TMEM51: variants seen among roughly 807,000 people sequenced by gnomAD.
TMEM51 encodes the protein transmembrane protein 51, also known as chromosome 1 open reading frame 72.
In TMEM51, 8 loss-of-function variants were observed where a neutral mutation model predicts 13.6. The ratio of observed to expected loss-of-function variants is 0.59; its 90% confidence interval spans 0.35 to 1.07. TMEM51 has a LOEUF of 1.07. Among genes scored for constraint, TMEM51 ranks in the 50% least tolerant of loss-of-function variants. TMEM51 has a pLI of 0.02. For synonymous variants in TMEM51, 147 were observed against 144.4 expected (o/e 1.02, Z -0.13); for missense variants, 279 against 330.7 (o/e 0.84, Z 1.21).
At chr1:15,157,324 G>T (rs1642622473) in intron 1 of TMEM51, among the ~76,000 whole-genome samples, 1 of 152,168 alleles carries the variant, frequency 6.6e-6, no homozygotes, top group Admixed American at 6.5e-5. Flanking sequence ...GGATTTATCA[G>T]ACTTAGCAGC....
At chr1:15,166,725 A>C (rs1242302788) in intron 1 of TMEM51, among the ~76,000 whole-genome samples, 2 of 152,180 alleles carry the variant, frequency 1.3e-5, no homozygotes, top group Non-Finnish European at 2.9e-5. Context: ...TCTCAAAAAA[A>C]GAAAGAAAAG....
chr1:15,195,827 C>T (rs1241047233), intron 1 of TMEM51, among the ~76,000 whole-genome samples: 1 of 152,178 alleles, frequency 6.6e-6, no homozygotes, highest in African/African-American at 2.4e-5. Flanking sequence ...CAACCGACTG[C>T]CCTCGGCCTT....
At chr1:15,210,891 C>A (rs1573447406) in intron 2 of TMEM51, among the ~76,000 whole-genome samples, 1 of 152,176 alleles carries the variant, frequency 6.6e-6, no homozygotes, top group Non-Finnish European at 1.5e-5. Context: ...TGACCAGATG[C>A]CCCGCTGGGA....
Position 15,215,397 on chromosome 1 carries a change from A to G in TMEM51, c.310A>G (p.Thr104Ala), listed in dbSNP as rs1326570136. Residue 104 changes from threonine (T) to alanine (A), a missense_variant, in exon 3 of 4, where the codon ACA becomes GCA. Transcript: ENST00000376008. ...GEDLAHVQHP[T>A]GAGPHAQEED... ...GGACCTGGCCCATGTCCAGCACCCG[A>G]CAGGCGCTGGGCCTCACGCCCAGGA... is the stretch of plus-strand genomic sequence containing the variant. The G allele has an allele frequency of 1.2e-6, 2 of 1,608,954 alleles. No homozygotes were observed. Among genetic ancestry groups the G allele is most frequent in the African/African-American group, 2.7e-5 (2 of 74,920 alleles).
chr1:15,219,249 T>C (rs1279528490), intron 3 of TMEM51, 77 bp from the exon 4 acceptor site: 16 of 1,467,462 alleles, frequency 1.1e-5, no homozygotes, highest in Admixed American at 4.5e-5. Flanking sequence ...TGTGGACTCT[T>C]TGGAGCCCAT....
chr1:15,205,247 T>TA (rs1322064371), intron 1 of TMEM51, among the ~76,000 whole-genome samples: 6 of 152,176 alleles, frequency 3.9e-5, no homozygotes, highest in Non-Finnish European at 8.8e-5. Context: ...CTCCAACACT[T>TA]ACGTGGATTA....
chr1:15,171,110 C>G (rs1048127680), intron 1 of TMEM51: 2 of 1,085,292 alleles, frequency 1.8e-6, no homozygotes, highest in African/African-American at 3.2e-5. Context: ...CCTCCACCCC[C>G]CGCCACATCC....
At chr1:15,195,821 C>A (rs753141097) in intron 1 of TMEM51, among the ~76,000 whole-genome samples, 1 of 152,158 alleles carries the variant, frequency 6.6e-6, no homozygotes, top group Non-Finnish European at 1.5e-5. Context: ...CCTGCCCAAC[C>A]GACTGCCCTC....
chr1:15,196,519 G>A (rs1644053603), intron 1 of TMEM51, among the ~76,000 whole-genome samples: 1 of 152,104 alleles, frequency 6.6e-6, no homozygotes, highest in South Asian at 2.1e-4. Flanking sequence ...GAGACATGGT[G>A]CACCAGCACA....
rs577726130 is a variant in TMEM51 at position 15,174,925 on chromosome 1, A to G, written c.-267+20971A>G. ...ACCTGAATTACCTACCCAAAGCCCT[A>G]TCTCCTAATATGTTGGGAGTTAGAG... is the stretch of plus-strand genomic sequence containing the variant. On this transcript the variant is annotated intron_variant, in intron 1 of 3. Coordinates refer to ENST00000376008, the MANE Select transcript of TMEM51 (RefSeq NM_001136218.2). Among the ~76,000 whole-genome samples, 8 of 152,280 alleles carry G rather than the reference A, an allele frequency of 5.3e-5. No homozygotes were observed. In the East Asian group the frequency reaches 1.4e-3, roughly 26 times the overall value.
At chr1:15,178,960 A>G (rs1026818233) in intron 1 of TMEM51, among the ~76,000 whole-genome samples, 2 of 152,264 alleles carry the variant, frequency 1.3e-5, no homozygotes, top group African/African-American at 4.8e-5. Flanking sequence ...ATTAGTCAGA[A>G]CAAACCACCC....
intron 1 of TMEM51, among the ~76,000 whole-genome samples, chr1:15,172,847 A>G (rs1643331926): frequency 6.6e-6 from 1 of 152,228 alleles, no homozygotes; most frequent in South Asian, 2.1e-4. Flanking sequence ...CTCTTTGTCC[A>G]GCAGATGGGT....
intron 2 of TMEM51, among the ~76,000 whole-genome samples, chr1:15,214,627 G>A (rs1644394179): frequency 6.6e-6 from 1 of 152,224 alleles, no homozygotes; most frequent in Non-Finnish European, 1.5e-5. Flanking sequence ...AATGACCTGA[G>A]CTCCGACCTT....
intron 1 of TMEM51, among the ~76,000 whole-genome samples, chr1:15,208,185 T>C (rs1644282323): frequency 6.6e-6 from 1 of 152,094 alleles, no homozygotes; most frequent in Non-Finnish European, 1.5e-5. Context: ...AGTGTTATCA[T>C]CACCCATGGG....
chr1:15,166,070 G>C (rs968621869), intron 1 of TMEM51, among the ~76,000 whole-genome samples: 4 of 152,244 alleles, frequency 2.6e-5, no homozygotes, highest in Non-Finnish European at 5.9e-5. Context: ...TTATGGATGG[G>C]GGTAGCCATG....
chr1:15,196,781 TAAACAACAG>T (rs1488365882), intron 1 of TMEM51, among the ~76,000 whole-genome samples: 1 of 152,246 alleles, frequency 6.6e-6, no homozygotes, highest in Non-Finnish European at 1.5e-5. Flanking sequence ...GTATGTGCAT[TAAACAACAG>T]TGACAACATA....
In TMEM51 at chr1:15,206,581, C is replaced by G. The variant is rs1644254978; in HGVS notation, c.-266-3909C>G. ...GTGTGGCCCAGGGCAAATTACTTAC[C>G]CTGTCCAAGACTCCAAGATGGTGGG... On this transcript the variant is annotated intron_variant, in intron 1 of 3. Coordinates refer to ENST00000376008, the MANE Select transcript of TMEM51 (RefSeq NM_001136218.2). Among the ~76,000 whole-genome samples, 2 of 150,726 alleles carry G rather than the reference C, an allele frequency of 1.3e-5. 1 individual carries two copies. The highest frequency in any genetic ancestry group is 4.3e-4 in the South Asian group (2 of 4,616).
chr1:15,189,056 T>C (rs904293919), intron 1 of TMEM51, among the ~76,000 whole-genome samples: 12 of 152,170 alleles, frequency 7.9e-5, no homozygotes, highest in Non-Finnish European at 1.5e-4. Flanking sequence ...ATATATTTTT[T>C]TGGAGACAGA....
intron 1 of TMEM51, among the ~76,000 whole-genome samples, chr1:15,205,496 G>GT (rs1265879707): frequency 6.6e-6 from 1 of 152,124 alleles, no homozygotes; most frequent in African/African-American, 2.4e-5. Flanking sequence ...AGCTGCATGC[G>GT]TATCTTCCTT....
Sources: gnomAD v4.1 joint callset for allele counts (sites outside exome capture counted in the v4.1 genomes callset) on GRCh38, gnomAD v4.1.1 for gene constraint, MANE v1.5 for transcripts, NCBI Gene and HGNC (gene_info 2026-07-23, HGNC 2026-07-21) for gene names.